PCSK6: variants seen among roughly 807,000 people sequenced by gnomAD.
PCSK6 encodes the protein proprotein convertase subtilisin/kexin type 6, also known as paired basic amino acid cleaving enzyme 4.
PCSK6 carries 85 observed loss-of-function variants against 123.3 expected under a neutral mutation model. The ratio of observed to expected loss-of-function variants is 0.69; its 90% confidence interval spans 0.58 to 0.83. The LOEUF is 0.83. Ranked by LOEUF, PCSK6 falls within the 40% of genes least tolerant of loss-of-function variation. The pLI is 0.00. For missense variants in PCSK6, 1,191 were observed against 1,282.3 expected, an observed-to-expected ratio of 0.93 and a Z score of 1.09; for synonymous variants, 508 against 516.0, an observed-to-expected ratio of 0.98 and a Z score of 0.21.
At chr15:101,331,244 T>C (rs2040364902) in intron 15 of PCSK6, among the ~76,000 whole-genome samples, 1 of 152,200 alleles carries the variant, frequency 6.6e-6, no homozygotes, top group Non-Finnish European at 1.5e-5. Context: ...AGAAAAACGA[T>C]TCATGCAGGG....
chr15:101,454,521 C>G (rs2141184465), intron 1 of PCSK6, among the ~76,000 whole-genome samples: 1 of 152,262 alleles, frequency 6.6e-6, no homozygotes, highest in Admixed American at 6.5e-5. Flanking sequence ...ATGAGCCAGG[C>G]ACTAAGGACG....
Position 101,304,998 on chromosome 15 carries a change from C to T in PCSK6, c.*260G>A. On this transcript the variant is annotated 3_prime_UTR_variant, in exon 22 of 22. Transcript: ENST00000611716. The stretch of plus-strand genomic sequence containing the variant: ...GCTCCAAAGCCAGAGCTGTGGATTC[C>T]CAGAATTCATTTTGTTCCTGTTAGT... The T allele has an allele frequency of 2.1e-6, 1 of 468,782 alleles. No individual in the cohort carries two copies. 29.0% of individuals were successfully genotyped at this position (468,782 alleles called of 1,614,324 possible).
intron 9 of PCSK6, 94 bp from the exon 10 acceptor site, chr15:101,384,519 T>G: frequency 2.1e-6 from 2 of 952,218 alleles, no homozygotes; most frequent in Non-Finnish European, 3.2e-6. Flanking sequence ...CCAACCCACG[T>G]CTGAACTTCA....
chr15:101,448,234 TA>T (rs1259457518), intron 1 of PCSK6, among the ~76,000 whole-genome samples: 2 of 152,232 alleles, frequency 1.3e-5, no homozygotes, highest in African/African-American at 4.8e-5. Flanking sequence ...TTATATGCAT[TA>T]CTTGATCAAA....
chr15:101,314,004 T>C (rs940563212), intron 19 of PCSK6, among the ~76,000 whole-genome samples: 1 of 152,218 alleles, frequency 6.6e-6, no homozygotes, highest in Non-Finnish European at 1.5e-5. Flanking sequence ...CAACTTCAAA[T>C]TGCACCCGTG....
At chr15:101,371,379 C>A (rs2041582042) in intron 11 of PCSK6, among the ~76,000 whole-genome samples, 1 of 152,154 alleles carries the variant, frequency 6.6e-6, no homozygotes, top group Non-Finnish European at 1.5e-5. Context: ...AAAGGCCAGA[C>A]CTCACCACAC....
chr15:101,374,013 C>A (rs987114166), intron 11 of PCSK6, among the ~76,000 whole-genome samples: 1 of 152,174 alleles, frequency 6.6e-6, no homozygotes, highest in African/African-American at 2.4e-5. Flanking sequence ...AGGGAGTCCA[C>A]GGAGTTAAAT....
At chr15:101,487,147 T>TA (rs1404248995) in intron 1 of PCSK6, among the ~76,000 whole-genome samples, 1 of 152,122 alleles carries the variant, frequency 6.6e-6, no homozygotes, top group Non-Finnish European at 1.5e-5. Context: ...GCAGTGCACT[T>TA]AGAGGGGGGA....
intron 2 of PCSK6, among the ~76,000 whole-genome samples, chr15:101,439,131 G>T (rs982958344): frequency 1.3e-5 from 2 of 152,206 alleles, no homozygotes; most frequent in African/African-American, 4.8e-5. Flanking sequence ...GCCTAGGGCA[G>T]GAGACACAGG....
intron 20 of PCSK6, chr15:101,308,903 G>A (rs2039785906): frequency 6.6e-6 from 1 of 152,344 alleles, no homozygotes; most frequent in African/African-American, 2.4e-5. Context: ...AGATGTCAGT[G>A]GTCTGGAGGA....
intron 1 of PCSK6, among the ~76,000 whole-genome samples, chr15:101,480,181 C>A (rs1192888465): frequency 5.3e-5 from 8 of 152,216 alleles, no homozygotes; most frequent in African/African-American, 1.9e-4. Context: ...CCCACTCTCA[C>A]TGAGAAGATG....
chr15:101,329,490 C>A (rs67078507), intron 15 of PCSK6, among the ~76,000 whole-genome samples: 25,320 of 152,196 alleles, frequency 0.17, 2,377 homozygotes, highest in Admixed American at 0.27. Context: ...GTCTGGTTTC[C>A]TTCCTGACTG....
chr15:101,397,943 C>A (rs1166107629), intron 7 of PCSK6, among the ~76,000 whole-genome samples: 1 of 152,230 alleles, frequency 6.6e-6, no homozygotes, highest in Non-Finnish European at 1.5e-5. Context: ...ACACCCCGAC[C>A]ACTGCTTCCT....
At chr15:101,368,800 G>A (rs1250787990) in intron 12 of PCSK6, among the ~76,000 whole-genome samples, 3 of 152,194 alleles carry the variant, frequency 2.0e-5, no homozygotes, top group African/African-American at 7.2e-5. Context: ...GCAGGAACAC[G>A]GGGCTGGTGT....
intron 1 of PCSK6, among the ~76,000 whole-genome samples, chr15:101,482,783 ATTCTGAGTCTGC>A (rs2057922429): frequency 1.0e-5 from 1 of 100,066 alleles, no homozygotes; most frequent in Admixed American, 1.1e-4. Context: ...CTCAGTCCTG[ATTCTGAGTCTGC>A]TCCTGATTCT....
chr15:101,480,125 T>C (rs908396099), intron 1 of PCSK6, among the ~76,000 whole-genome samples: 1 of 152,236 alleles, frequency 6.6e-6, no homozygotes, highest in Admixed American at 6.5e-5. Context: ...GCGGTCTGGC[T>C]GATCACTCAG....
At chr15:101,426,425 C>T (rs76122546) in intron 6 of PCSK6, among the ~76,000 whole-genome samples, 2,377 of 152,304 alleles carry the variant, frequency 0.016, 62 homozygotes, top group African/African-American at 0.053. Flanking sequence ...CGTCTCAGGG[C>T]TCTGCACCCA....
In PCSK6 at chr15:101,489,529, G is replaced by T; in HGVS notation, c.142C>A (p.Pro48Thr). ...GPGFRPLAPR[P>T]WRWLLLLALP... Reference sequence around the variant, plus strand: ...GCCAGCAGCAGCAGCCAGCGCCAGGGACGCGGCGCGAGCGGCCGGAACCCG... The same window carrying T: ...GCCAGCAGCAGCAGCCAGCGCCAGGTACGCGGCGCGAGCGGCCGGAACCCG... The change falls in exon 1 of 22, where the codon CCC (proline) becomes ACC (threonine). Residue 48 changes from proline (P) to threonine (T), a missense_variant. Pro to Thr is a conservative substitution (Grantham distance 38, BLOSUM62 -1). This residue lies in a region of PCSK6 where 204 missense variants were observed against 166.4 expected (regional missense o/e 1.23). Coordinates refer to ENST00000611716, the MANE Select transcript of PCSK6 (RefSeq NM_002570.5). The T allele has an allele frequency of 9.9e-7, 1 of 1,015,198 alleles. No homozygotes were observed. The highest frequency in any genetic ancestry group is 4.5e-5 in the South Asian group (1 of 22,234). The allele number at this position is 1,015,198 out of a possible 1,614,324, so 62.9% of individuals were successfully genotyped here.
intron 13 of PCSK6, among the ~76,000 whole-genome samples, chr15:101,355,799 C>T (rs1020562877): frequency 6.6e-6 from 1 of 152,210 alleles, no homozygotes; most frequent in African/African-American, 2.4e-5. Flanking sequence ...GGATGTGGCC[C>T]TGGGTGGGGA....
Sources: allele counts gnomAD v4.1 joint callset (sites outside exome capture counted in the v4.1 genomes callset), GRCh38; gene constraint gnomAD v4.1.1; regional missense constraint gnomAD v4.1.1; transcripts MANE v1.5; gene names NCBI Gene and HGNC (gene_info 2026-07-23, HGNC 2026-07-21).